NT5M: variants seen among roughly 807,000 people sequenced by gnomAD.
NT5M encodes 5'(3')-deoxyribonucleotidase, mitochondrial.
A neutral mutation model predicts 22.2 loss-of-function variants in NT5M; 22 were observed. The ratio of observed to expected loss-of-function variants is 0.99; its 90% CI spans 0.71 to 1.41. NT5M has a LOEUF of 1.41. NT5M is among the 40% of genes most tolerant of loss of function. The probability of loss-of-function intolerance (pLI) is 0.00; values close to 1 mark genes in which losing one functional copy is unlikely to be tolerated. For synonymous variants in NT5M, 167 were observed against 133.0 expected, an observed-to-expected ratio of 1.26 and a Z score of -1.76; for missense variants, 322 against 314.8, an observed-to-expected ratio of 1.02 and a Z score of -0.17.
At chr17:17,306,429 G>C in intron 1 of NT5M, 114 bp from the exon 2 acceptor site, 1 of 746,818 alleles carries the variant, frequency 1.3e-6, no homozygotes, top group African/African-American at 1.7e-5. Context: ...TGTGTGTTTG[G>C]GGGAGTGAGA....
At chr17:17,306,748 T>G in intron 2 of NT5M, 105 bp downstream of exon 2, 1 of 824,170 alleles carries the variant, frequency 1.2e-6, no homozygotes, top group South Asian at 1.5e-5. Flanking sequence ...TTCTCTCTCC[T>G]TGGCCCTGCG....
chr17:17,337,527 CCCAAG>C (rs1403668207), intron 3 of NT5M, among the ~76,000 whole-genome samples: 4 of 152,164 alleles, frequency 2.6e-5, no homozygotes, highest in Admixed American at 2.6e-4. Context: ...ACCTTAGCCT[CCCAAG>C]TAGCTGAGAC....
Position 17,344,819 on chromosome 17 carries a change from G to A in NT5M, c.455G>A (p.Gly152Asp). 1 of 1,614,164 alleles carries A rather than the reference G, an allele frequency of 6.2e-7. No individual in the cohort carries two copies. Among genetic ancestry groups the A allele is most frequent in the Non-Finnish European group, 8.5e-7 (1 of 1,179,994 alleles). Residue 152 changes from glycine (G) to aspartate (D), a missense_variant, in exon 4 of 5, where the codon GGC becomes GAC. Transcript: ENST00000389022. ...TATGCCTGGGTGGAGAAGTACTTTG[G>A]CCCTGACTTTCTGGAGCAGATTGTG... The part of the protein sequence containing the change: ...EKYAWVEKYF[G>D]PDFLEQIVLT...
intron 3 of NT5M, among the ~76,000 whole-genome samples, chr17:17,337,101 C>T (rs939376879): frequency 2.0e-5 from 3 of 152,124 alleles, no homozygotes; most frequent in Admixed American, 1.3e-4. Flanking sequence ...TTGTCCTCTC[C>T]AGCATTTGTT....
chr17:17,337,771 G>A (rs1371550810), intron 3 of NT5M, among the ~76,000 whole-genome samples: 1 of 152,136 alleles, frequency 6.6e-6, no homozygotes, highest in Non-Finnish European at 1.5e-5. Flanking sequence ...TTTCTATAGA[G>A]TTGTTTGACT....
At chr17:17,331,662 A>G (rs1377301355) in intron 3 of NT5M, among the ~76,000 whole-genome samples, 4 of 151,532 alleles carry the variant, frequency 2.6e-5, no homozygotes, top group Non-Finnish European at 5.9e-5. Flanking sequence ...TGGAACGATC[A>G]TAGCTCACTG....
At chr17:17,307,027 A>G (rs2048816705) in intron 2 of NT5M, among the ~76,000 whole-genome samples, 1 of 151,658 alleles carries the variant, frequency 6.6e-6, no homozygotes, top group Admixed American at 6.6e-5. Context: ...GAGAAACCCC[A>G]TCTCTACTAA....
intron 2 of NT5M, among the ~76,000 whole-genome samples, chr17:17,313,269 A>C (rs2048957492): frequency 6.6e-6 from 1 of 152,162 alleles, no homozygotes; most frequent in Non-Finnish European, 1.5e-5. Flanking sequence ...AAAAGAGTGA[A>C]AATCTGTCTC....
chr17:17,344,285 C>A lies in NT5M; in HGVS notation c.430-509C>A, dbSNP rs573208279. 3.3e-5 allele frequency among the ~76,000 whole-genome samples: 5 copies of A among 152,320 alleles called. No homozygotes were observed. In the East Asian group the frequency reaches 9.7e-4, roughly 29 times the overall value. On this transcript the variant is annotated intron_variant, in intron 3 of 4. Coordinates refer to ENST00000389022, the MANE Select transcript of NT5M (RefSeq NM_020201.4). ...CCTGTGGCTTCTTTGTAGGCCTGTCCCAGGTGTTATGTAACCATTGTTTAA... is the reference window on the plus strand; with the variant it reads ...CCTGTGGCTTCTTTGTAGGCCTGTCACAGGTGTTATGTAACCATTGTTTAA...
At chr17:17,328,284 G>C (rs553056245) in intron 3 of NT5M, among the ~76,000 whole-genome samples, 1 of 152,286 alleles carries the variant, frequency 6.6e-6, no homozygotes, top group South Asian at 2.1e-4. Flanking sequence ...CTGATTGGGA[G>C]CGGGGTTGGG....
intron 3 of NT5M, among the ~76,000 whole-genome samples, chr17:17,325,256 T>A (rs772545671): frequency 6.6e-6 from 1 of 152,160 alleles, no homozygotes; most frequent in Non-Finnish European, 1.5e-5. Context: ...TCCTGGGGAT[T>A]TAGATACTGT....
At chr17:17,307,192 C>G (rs1034979425) in intron 2 of NT5M, among the ~76,000 whole-genome samples, 3 of 152,110 alleles carry the variant, frequency 2.0e-5, no homozygotes, top group Admixed American at 6.5e-5. Flanking sequence ...GAGCGAAACT[C>G]CATCTCAAAG....
chr17:17,345,055 A>C (rs1437224509), intron 4 of NT5M, 147 bp downstream of exon 4: 1 of 1,266,556 alleles, frequency 7.9e-7, no homozygotes, highest in Non-Finnish European at 1.1e-6. Flanking sequence ...TCGGGAAGAC[A>C]AGGCCCCCTC....
intron 3 of NT5M, among the ~76,000 whole-genome samples, chr17:17,334,925 T>G (rs2049472243): frequency 6.6e-6 from 1 of 152,206 alleles, no homozygotes; most frequent in Admixed American, 6.5e-5. Flanking sequence ...TGGTGAGAAT[T>G]TGATTGCAAG....
rs1277142208 is a variant in NT5M, at chr17:17,319,941, C to G, written c.369-3244C>G. On this transcript the variant is annotated intron_variant, in intron 2 of 4. Coordinates refer to ENST00000389022, the MANE Select transcript of NT5M (RefSeq NM_020201.4). The stretch of plus-strand genomic sequence containing the variant: ...CACTGCAACCTCCGCCTTTTGGATT[C>G]AAGTGATTCTTCTGCCTCAGCCTCC... Among the ~76,000 whole-genome samples, 5 of 152,312 alleles carry G rather than the reference C, an allele frequency of 3.3e-5. No homozygotes were observed. The East Asian group carries it at 9.6e-4, about 29-fold the overall frequency.
rs752419330 is a variant in NT5M, at chr17:17,323,253, G to A, written c.429+8G>A. The A allele has an allele frequency of 1.4e-5, 23 of 1,611,940 alleles. No homozygotes were observed. The highest frequency in any genetic ancestry group is 2.2e-5 in the East Asian group (1 of 44,888). ...TACTGTCCCTATGAGAAGGTAAGGCGTGCGTCTGCTCAGCTGAGCCCTTAC... is the reference window on the plus strand; with the variant it reads ...TACTGTCCCTATGAGAAGGTAAGGCATGCGTCTGCTCAGCTGAGCCCTTAC... On this transcript the variant is annotated splice_region_variant and intron_variant, in intron 3 of 4. Transcript: ENST00000389022.
intron 3 of NT5M, among the ~76,000 whole-genome samples, chr17:17,338,883 C>T (rs978960161): frequency 2.0e-5 from 3 of 151,836 alleles, no homozygotes; most frequent in Middle Eastern, 3.5e-3. Context: ...CCCGCCACCA[C>T]GCCCAGCTAA....
At chr17:17,341,841 C>T (rs998269183) in intron 3 of NT5M, among the ~76,000 whole-genome samples, 1 of 152,120 alleles carries the variant, frequency 6.6e-6, no homozygotes, top group Admixed American at 6.5e-5. Flanking sequence ...CCAGCCTGGC[C>T]AACGTGGTGA....
intron 2 of NT5M, among the ~76,000 whole-genome samples, chr17:17,307,468 G>C (rs1248810993): frequency 6.7e-6 from 1 of 150,162 alleles, no homozygotes; most frequent in Non-Finnish European, 1.5e-5. Context: ...AGCCGGGCGC[G>C]GTGGCTCACG....
Sources: allele counts gnomAD v4.1 joint callset (sites outside exome capture counted in the v4.1 genomes callset), GRCh38; gene constraint gnomAD v4.1.1; transcripts MANE v1.5; gene names NCBI Gene and HGNC (gene_info 2026-07-23, HGNC 2026-07-21).